Variants in NFIB observed in about 807,000 individuals in gnomAD.
The protein encoded by NFIB is nuclear factor 1 B-type.
A neutral mutation model predicts 61.5 loss-of-function variants in NFIB; 11 were observed. The observed-to-expected ratio is 0.18, with a 90% CI of 0.11 to 0.30. The LOEUF (loss-of-function observed/expected upper bound fraction) is 0.30. Among genes scored for constraint, NFIB ranks in the 10% least tolerant of loss-of-function variants. NFIB has a pLI of 1.00. For missense variants in NFIB, 471 were observed against 608.9 expected (o/e 0.77, Z 2.38); for synonymous variants, 260 against 216.5 (o/e 1.20, Z -1.76).
intron 7 of NFIB, among the ~76,000 whole-genome samples, chr9:14,123,958 C>T (rs1374390635): frequency 6.6e-6 from 1 of 152,188 alleles, no homozygotes; most frequent in Non-Finnish European, 1.5e-5. Flanking sequence ...GCTCAGAACA[C>T]ATATCTTCCA....
At chr9:14,192,641 C>G (rs2048070852) in intron 2 of NFIB, among the ~76,000 whole-genome samples, 1 of 152,132 alleles carries the variant, frequency 6.6e-6, no homozygotes, top group South Asian at 2.1e-4. Context: ...ACATTTGTCT[C>G]CAAACAGTGG....
intron 4 of NFIB, among the ~76,000 whole-genome samples, chr9:14,151,115 A>T (rs2042822750): frequency 6.6e-6 from 1 of 152,124 alleles, no homozygotes; most frequent in Non-Finnish European, 1.5e-5. Context: ...AATGGGAGTA[A>T]TAATAACCGG....
At chr9:14,155,542 G>C (rs12553346) in intron 4 of NFIB, among the ~76,000 whole-genome samples, 2 of 151,962 alleles carry the variant, frequency 1.3e-5, no homozygotes, top group South Asian at 4.2e-4. Flanking sequence ...GATATAAATG[G>C]CCATCTATGG....
chr9:14,328,371 C>T (rs927585810), intron 1 of NFIB, among the ~76,000 whole-genome samples: 2 of 152,140 alleles, frequency 1.3e-5, no homozygotes, highest in African/African-American at 4.8e-5. Flanking sequence ...GTCTCAAACT[C>T]CTGGGCTCAA....
chr9:14,197,219 T>A (rs1347586592), intron 2 of NFIB, among the ~76,000 whole-genome samples: 1 of 152,208 alleles, frequency 6.6e-6, no homozygotes, highest in Non-Finnish European at 1.5e-5. Flanking sequence ...GATTTTTCAT[T>A]GCATTTCCCC....
chr9:14,117,115 C>T (rs2119103103), intron 8 of NFIB, among the ~76,000 whole-genome samples: 1 of 152,272 alleles, frequency 6.6e-6, no homozygotes, highest in Non-Finnish European at 1.5e-5. Context: ...TTAAACTGTA[C>T]TGAGGGGAAG....
At chr9:14,426,742 C>T in the NFIB span, among the ~76,000 whole-genome samples, 1 of 152,086 alleles carries the variant, frequency 6.6e-6, no homozygotes, top group Admixed American at 6.6e-5. Context: ...CATTTGTATC[C>T]TCCTTCTCTG....
rs1222346780 is a variant in NFIB, at chr9:14,388,416, G to C, written c.108+10108C>G. On this transcript the variant is annotated intron_variant, in intron 1 of 8. Transcript: ENST00000380934. ...GGAAGGAAGGAAGGAAGGAAGGAAG[G>C]AAGGAAGGAAGGAGAGAGAAAGAGA... 6.0e-5 allele frequency among the ~76,000 whole-genome samples: 2 copies of C among 33,444 alleles called. 1 individual carries two copies. Among genetic ancestry groups the C allele is most frequent in the Non-Finnish European group, 1.5e-4 (2 of 13,470 alleles). The allele number at this position is 33,444 out of a possible 152,430, so 21.9% of individuals were successfully genotyped here.
At chr9:14,456,304 A>G in the NFIB span, among the ~76,000 whole-genome samples, 1 of 152,138 alleles carries the variant, frequency 6.6e-6, no homozygotes. Flanking sequence ...GCTATGACAC[A>G]GAATCCAAAG....
At chr9:14,091,080 T>C (rs940511933) in intron 10 of NFIB, among the ~76,000 whole-genome samples, 1 of 152,064 alleles carries the variant, frequency 6.6e-6, no homozygotes, top group Admixed American at 6.6e-5. Flanking sequence ...CATATCAAAA[T>C]TGCAGAGTGC....
intron 2 of NFIB, among the ~76,000 whole-genome samples, chr9:14,238,586 AAG>A (rs1478903465): frequency 6.6e-6 from 1 of 152,118 alleles, no homozygotes; most frequent in Admixed American, 6.6e-5. Context: ...TCGAGTACCT[AAG>A]AGAGACCAAA....
At position 14,146,627 on chromosome 9, in the gene NFIB, A is replaced by G. The variant is rs1422783989; in HGVS notation, c.925+62T>C. 3.1e-6 allele frequency: 5 copies of G among 1,610,080 alleles called. No homozygotes were observed. The South Asian group carries it at 3.3e-5, about 11-fold the overall frequency. On this transcript the variant is annotated intron_variant, in intron 6 of 10. Coordinates refer to ENST00000380953, the MANE Select transcript of NFIB (RefSeq NM_001190737.2). ...TTAATTATGAAATTTTGACTCAACG[A>G]AACTTAAGAAACGAGCCAACATTTT... is the stretch of plus-strand genomic sequence containing the variant.
chr9:14,430,853 A>G, the NFIB span, among the ~76,000 whole-genome samples: 1 of 152,184 alleles, frequency 6.6e-6, no homozygotes, highest in Non-Finnish European at 1.5e-5. Flanking sequence ...AAGTGCTGGA[A>G]TTACAGGTGT....
the NFIB span, among the ~76,000 whole-genome samples, chr9:14,511,569 C>A: frequency 6.6e-6 from 1 of 152,086 alleles, no homozygotes. Flanking sequence ...CACAAGAAAA[C>A]TGAAACTCAG....
chr9:14,116,156 T>G (rs1334008548), intron 9 of NFIB, 52 bp downstream of exon 9: 1 of 1,430,138 alleles, frequency 7.0e-7, no homozygotes, highest in Non-Finnish European at 9.3e-7. Flanking sequence ...GATGGACATT[T>G]CTCATTTCCT....
chr9:14,481,520 A>T, the NFIB span, among the ~76,000 whole-genome samples: 33 of 152,028 alleles, frequency 2.2e-4, no homozygotes, highest in Middle Eastern at 3.4e-3. Context: ...AATTGAAATG[A>T]TCATTAAGAA....
the NFIB span, among the ~76,000 whole-genome samples, chr9:14,487,633 C>T: frequency 1.3e-5 from 2 of 152,120 alleles, no homozygotes; most frequent in African/African-American, 2.4e-5. Flanking sequence ...AACTTGAGTC[C>T]CTTGCTCAAA....
At chr9:14,403,526 C>T (rs2061762439), upstream of NFIB, among the ~76,000 whole-genome samples, 1 of 152,042 alleles carries the variant, frequency 6.6e-6, no homozygotes, top group Non-Finnish European at 1.5e-5. Context: ...CTCCCCTCCC[C>T]TCCTCTCCCC....
chr9:14,463,016 T>G, the NFIB span, among the ~76,000 whole-genome samples: 1 of 152,134 alleles, frequency 6.6e-6, no homozygotes, highest in African/African-American at 2.4e-5. Flanking sequence ...GGTAGAGTTT[T>G]CACAAAACAC....
Sources: allele counts gnomAD v4.1 joint callset (sites outside exome capture counted in the v4.1 genomes callset), GRCh38; gene constraint gnomAD v4.1.1; transcripts MANE v1.5; gene names NCBI Gene and HGNC (gene_info 2026-07-23, HGNC 2026-07-21).